WASL: variants seen among roughly 807,000 people sequenced by gnomAD.
WASL encodes WASP like actin nucleation promoting factor.
In WASL, 20 loss-of-function variants were observed where a neutral mutation model predicts 55.5. That is an observed-to-expected ratio of 0.36 (90% CI 0.25 to 0.52). The LOEUF (loss-of-function observed/expected upper bound fraction) is 0.52, where lower values mean the gene tolerates loss of function less well. WASL is among the 20% of genes least tolerant of loss of function. The pLI, the probability that WASL is intolerant of heterozygous loss-of-function variation, is 0.92. For synonymous variants in WASL, 249 were observed against 217.6 expected, an observed-to-expected ratio of 1.14 and a Z score of -1.27; for missense variants, 504 against 622.5, an observed-to-expected ratio of 0.81 and a Z score of 2.03.
At chr7:123,746,187 G>A (rs758008636) in intron 1 of WASL, among the ~76,000 whole-genome samples, 2 of 152,160 alleles carry the variant, frequency 1.3e-5, no homozygotes, top group Non-Finnish European at 2.9e-5. Context: ...TGACTTATCA[G>A]TTTACACGTT....
At chr7:123,693,368 C>A (rs1254872281) in intron 8 of WASL, among the ~76,000 whole-genome samples, 2 of 151,998 alleles carry the variant, frequency 1.3e-5, no homozygotes, top group Non-Finnish European at 2.9e-5. Flanking sequence ...GCGCTAAAGC[C>A]CAAATATAAT....
Position 123,684,135 on chromosome 7 carries a change from T to C in WASL, c.*384A>G, listed in dbSNP as rs781744464. The C allele has an allele frequency of 6.6e-6, 1 of 152,232 alleles. No homozygotes were observed. Among genetic ancestry groups the C allele is most frequent in the Non-Finnish European group, 1.5e-5 (1 of 68,082 alleles). 9.4% of individuals were successfully genotyped at this position (152,232 alleles called of 1,614,324 possible). A position where few individuals can be genotyped will look rare whatever the true frequency, so the allele number is the denominator to read the frequency against. On this transcript the variant is annotated 3_prime_UTR_variant, in exon 11 of 11. Transcript: ENST00000223023. Reference sequence around the variant, plus strand: ...AATGTAGTGCTATACTAGATTTTTTTTTAAGAAAATTTAGGTACAGAAAAA... The same window carrying C: ...AATGTAGTGCTATACTAGATTTTTTCTTAAGAAAATTTAGGTACAGAAAAA...
Position 123,748,830 on chromosome 7 carries a change from G to A in WASL, c.-96C>T, listed in dbSNP as rs966888454. 2.8e-6 allele frequency: 3 copies of A among 1,063,868 alleles called. No homozygotes were observed. Among genetic ancestry groups the A allele is most frequent in the African/African-American group, 3.3e-5 (2 of 60,354 alleles). 65.9% of individuals were successfully genotyped at this position (1,063,868 alleles called of 1,614,324 possible). A position where few individuals can be genotyped will look rare whatever the true frequency, so the allele number is the denominator to read the frequency against. On this transcript the variant is annotated 5_prime_UTR_variant, in exon 1 of 11. Coordinates refer to ENST00000223023, the MANE Select transcript of WASL (RefSeq NM_003941.4). ...TCGGTGACAGGGGCGGGGAGAAGTG[G>A]AGTCAGAGGCGCCACATCTCGCAGC...
intron 6 of WASL, among the ~76,000 whole-genome samples, 198 bp downstream of exon 6, chr7:123,696,381 G>A (rs1803493081): frequency 1.4e-5 from 2 of 146,134 alleles, no homozygotes; most frequent in Admixed American, 6.8e-5. Context: ...TAAACCATAA[G>A]ATTCCAAGAA....
intron 1 of WASL, among the ~76,000 whole-genome samples, chr7:123,722,758 T>C (rs1803971732): frequency 6.6e-6 from 1 of 152,032 alleles, no homozygotes; most frequent in Non-Finnish European, 1.5e-5. Flanking sequence ...TGAGCCAAGA[T>C]CGCCACTGCA....
intron 1 of WASL, among the ~76,000 whole-genome samples, chr7:123,718,703 T>TAA (rs1803888740): frequency 6.6e-6 from 1 of 152,194 alleles, no homozygotes; most frequent in Admixed American, 6.5e-5. Flanking sequence ...CCCCATATAA[T>TAA]ATTTTTAACA....
intron 9 of WASL, among the ~76,000 whole-genome samples, chr7:123,691,536 C>T (rs1444043061): frequency 6.6e-6 from 1 of 152,032 alleles, no homozygotes; most frequent in Non-Finnish European, 1.5e-5. Context: ...CAAGCATGTC[C>T]ATTCATTTAT....
intron 1 of WASL, among the ~76,000 whole-genome samples, chr7:123,724,129 C>T (rs769237073): frequency 3.3e-4 from 50 of 152,168 alleles, no homozygotes; most frequent in Non-Finnish European, 5.3e-4. Flanking sequence ...TGCCAGTTAT[C>T]TTTTAGGACA....
chr7:123,698,703 G>C (rs1803529181), intron 5 of WASL, among the ~76,000 whole-genome samples: 1 of 152,010 alleles, frequency 6.6e-6, no homozygotes, highest in Admixed American at 6.6e-5. Context: ...TTAGTGCCCA[G>C]GAATAATATG....
At chr7:123,737,596 C>CAAAAAAAA (rs34669724) in intron 1 of WASL, among the ~76,000 whole-genome samples, 5 of 72,802 alleles carry the variant, frequency 6.9e-5, no homozygotes, top group East Asian at 4.1e-4. Flanking sequence ...CTCCGTCTCC[C>CAAAAAAAA]AAAAAAAAAA....
At chr7:123,705,247 T>C (rs1368609069) in intron 4 of WASL, among the ~76,000 whole-genome samples, 2 of 152,086 alleles carry the variant, frequency 1.3e-5, no homozygotes, top group Non-Finnish European at 2.9e-5. Context: ...TCAATAGGAC[T>C]CTGATAGGAT....
At chr7:123,727,355 A>G (rs73718466) in intron 1 of WASL, among the ~76,000 whole-genome samples, 1 of 141,368 alleles carries the variant, frequency 7.1e-6, no homozygotes, top group African/African-American at 2.7e-5. Context: ...AATATGTGTC[A>G]CACACACACA....
At chr7:123,693,424 T>C (rs1263139404) in intron 8 of WASL, among the ~76,000 whole-genome samples, 1 of 152,246 alleles carries the variant, frequency 6.6e-6, no homozygotes, top group East Asian at 1.9e-4. Flanking sequence ...TTTACATTTG[T>C]ACTTTTATAG....
intron 1 of WASL, among the ~76,000 whole-genome samples, chr7:123,724,985 C>T: frequency 6.6e-6 from 1 of 152,252 alleles, no homozygotes; most frequent in Admixed American, 6.5e-5. Context: ...AAAGAATGTA[C>T]TTTTCCCACT....
chr7:123,705,205 TAGTC>T lies in WASL; in HGVS notation c.437-552_437-549del, dbSNP rs931690286. Among the ~76,000 whole-genome samples, 49 of 152,088 alleles carry T rather than the reference TAGTC, an allele frequency of 3.2e-4. 1 individual carries two copies. The highest frequency in any genetic ancestry group is 1.0e-3 in the South Asian group (5 of 4,810). ...TGGTAGCAGCAGAAATGGTAAGAAA[TAGTC>T]AGACAGGACATGTTTTTGAAGGCAG... On this transcript the variant is annotated intron_variant, in intron 4 of 10. Transcript: ENST00000223023.
At chr7:123,703,901 T>C (rs1436313442) in intron 5 of WASL, among the ~76,000 whole-genome samples, 1 of 152,146 alleles carries the variant, frequency 6.6e-6, no homozygotes, top group Admixed American at 6.5e-5. Context: ...GGAACCTCAT[T>C]TAAATACGAT....
chr7:123,719,829 T>C (rs1401883833), intron 1 of WASL, among the ~76,000 whole-genome samples: 1 of 152,130 alleles, frequency 6.6e-6, no homozygotes, highest in African/African-American at 2.4e-5. Context: ...TAAATTCTTT[T>C]TACCACCCAA....
intron 6 of WASL, 65 bp from the exon 7 acceptor site, chr7:123,695,930 T>A: frequency 6.7e-7 from 1 of 1,497,888 alleles, no homozygotes; most frequent in Non-Finnish European, 9.2e-7. Flanking sequence ...AAACACAATA[T>A]ATATGAAACC....
At chr7:123,713,327 A>AT (rs1188198651) in intron 1 of WASL, among the ~76,000 whole-genome samples, 5 of 151,840 alleles carry the variant, frequency 3.3e-5, no homozygotes, top group Admixed American at 2.6e-4. Context: ...TAATTTTCTA[A>AT]TTTTTTGTAG....
Sources: gnomAD v4.1 joint callset for allele counts (sites outside exome capture counted in the v4.1 genomes callset) on GRCh38, gnomAD v4.1.1 for gene constraint, MANE v1.5 for transcripts, NCBI Gene and HGNC (gene_info 2026-07-23, HGNC 2026-07-21) for gene names.